Variants in ACAD11 observed in about 807,000 individuals in gnomAD.
ACAD11 encodes acyl-Coenzyme A dehydrogenase family, member 11.
In ACAD11, 83 loss-of-function variants were observed where a neutral mutation model predicts 102.2. That is an observed-to-expected ratio of 0.81 (90% CI 0.68 to 0.97). The LOEUF is 0.97. Among genes scored for constraint, ACAD11 ranks in the 50% least tolerant of loss-of-function variants. The probability of loss-of-function intolerance (pLI) is 0.00; values close to 1 mark genes in which losing one functional copy is unlikely to be tolerated. For missense variants in ACAD11, 901 were observed against 951.7 expected (o/e 0.95, Z 0.70); for synonymous variants, 324 against 319.8 (o/e 1.01, Z -0.14).
intron 13 of ACAD11, among the ~76,000 whole-genome samples, chr3:132,595,940 G>C (rs1938285543): frequency 1.3e-5 from 2 of 152,042 alleles, no homozygotes. Context: ...ATACCCAAAG[G>C]AATATAAATT....
Position 132,577,101 on chromosome 3 carries a change from T to A in ACAD11, c.1775-86A>T, listed in dbSNP as rs1242987217. 1.3e-5 allele frequency: 11 copies of A among 831,770 alleles called. No individual in the cohort carries two copies. The Admixed American group carries it at 1.9e-4, about 14-fold the overall frequency. 51.5% of individuals were successfully genotyped at this position (831,770 alleles called of 1,614,324 possible). On this transcript the variant is annotated intron_variant, in intron 15 of 19. Transcript: ENST00000264990. ...CTTAATCTGCTGAAATATAATTACT[T>A]GAAGAAAATAGGATTTCAAAGATCC...
At chr3:132,622,057 T>C (rs1236901898) in intron 9 of ACAD11, among the ~76,000 whole-genome samples, 1 of 151,752 alleles carries the variant, frequency 6.6e-6, no homozygotes, top group Non-Finnish European at 1.5e-5. Context: ...AACAAAAATA[T>C]TGGAGTATAA....
At chr3:132,656,937 C>T (rs562973134) in intron 1 of ACAD11, among the ~76,000 whole-genome samples, 1 of 151,692 alleles carries the variant, frequency 6.6e-6, no homozygotes, top group East Asian at 1.9e-4. Context: ...TTCTGGTGAG[C>T]TATTATAGTT....
intron 1 of ACAD11, among the ~76,000 whole-genome samples, chr3:132,656,815 A>T (rs1308623713): frequency 6.6e-6 from 1 of 151,242 alleles, no homozygotes; most frequent in East Asian, 1.9e-4. Context: ...TTTAAAAGTC[A>T]ATTTGGTGGT....
chr3:132,593,886 A>C (rs947369155), intron 13 of ACAD11, among the ~76,000 whole-genome samples: 4 of 152,194 alleles, frequency 2.6e-5, no homozygotes, highest in Non-Finnish European at 5.9e-5. Flanking sequence ...GAGAAGTAGA[A>C]GAGAGCTAAA....
chr3:132,564,441 C>G (rs926582174), intron 17 of ACAD11, among the ~76,000 whole-genome samples: 2 of 152,200 alleles, frequency 1.3e-5, no homozygotes, highest in Non-Finnish European at 1.5e-5. Flanking sequence ...CAACTTCTAA[C>G]AATAGTTGTA....
At chr3:132,592,051 A>G (rs931464652) in intron 13 of ACAD11, among the ~76,000 whole-genome samples, 2 of 152,162 alleles carry the variant, frequency 1.3e-5, no homozygotes, top group African/African-American at 4.8e-5. Context: ...ATATTCTAAA[A>G]AATACAATTT....
intron 11 of ACAD11, among the ~76,000 whole-genome samples, chr3:132,611,458 T>C (rs995472673): frequency 2.8e-4 from 43 of 152,158 alleles, no homozygotes; most frequent in African/African-American, 1.0e-3. Flanking sequence ...ATGACATGAG[T>C]ATATATCTAG....
At chr3:132,576,059 C>T in intron 16 of ACAD11, 133 bp from the exon 17 acceptor site, 1 of 945,944 alleles carries the variant, frequency 1.1e-6, no homozygotes, top group South Asian at 1.8e-5. Context: ...AAAGTCAGTT[C>T]TATAATAAGG....
chr3:132,613,415 CA>C (rs1939255396), intron 11 of ACAD11, among the ~76,000 whole-genome samples: 2 of 20,422 alleles, frequency 9.8e-5, no homozygotes, highest in South Asian at 2.8e-3. Context: ...TATTCTAAAA[CA>C]AAACAAACAA....
intron 5 of ACAD11, among the ~76,000 whole-genome samples, chr3:132,635,226 C>A (rs1351759953): frequency 1.3e-5 from 2 of 151,954 alleles, no homozygotes; most frequent in Non-Finnish European, 2.9e-5. Flanking sequence ...GGAACCTTCA[C>A]TGGAGGGTTC....
intron 5 of ACAD11, 55 bp from the exon 6 acceptor site, chr3:132,631,534 TAAAG>T (rs1295170078): frequency 7.9e-7 from 1 of 1,259,660 alleles, no homozygotes. Flanking sequence ...ACAAGTATAA[TAAAG>T]AAATAAATAA....
At chr3:132,648,642 A>G (rs1472598938) in intron 1 of ACAD11, 2 of 151,834 alleles carry the variant, frequency 1.3e-5, no homozygotes, top group African/African-American at 4.8e-5. Flanking sequence ...ATTTGAAAAT[A>G]TTTAGGATTT....
chr3:132,608,199 T>C (rs1176689712), intron 11 of ACAD11, among the ~76,000 whole-genome samples: 1 of 152,090 alleles, frequency 6.6e-6, no homozygotes, highest in African/African-American at 2.4e-5. Context: ...ATCGACACTA[T>C]AAAGAAACTG....
intron 17 of ACAD11, among the ~76,000 whole-genome samples, chr3:132,572,825 C>A (rs1937420270): frequency 6.6e-6 from 1 of 152,214 alleles, no homozygotes; most frequent in Non-Finnish European, 1.5e-5. Context: ...GCTGGGATAA[C>A]TTGCTAGCCA....
chr3:132,637,957 T>C (rs1940336024), intron 5 of ACAD11, among the ~76,000 whole-genome samples: 1 of 152,228 alleles, frequency 6.6e-6, no homozygotes, highest in South Asian at 2.1e-4. Flanking sequence ...TACAGAAATG[T>C]ACAATTATGT....
chr3:132,605,226 T>C, intron 11 of ACAD11, 21 bp from the exon 12 acceptor site: 1 of 1,574,458 alleles, frequency 6.4e-7, no homozygotes, highest in Non-Finnish European at 8.7e-7. Context: ...AGAAGGAGTA[T>C]TTGTTTTGCA....
At chr3:132,615,821 C>T (rs1294360081) in intron 11 of ACAD11, among the ~76,000 whole-genome samples, 5 of 152,190 alleles carry the variant, frequency 3.3e-5, no homozygotes, top group Middle Eastern at 3.4e-3. Flanking sequence ...AAAACAAATA[C>T]CAGCCCAAAG....
At chr3:132,592,755 C>T (rs1469573431) in intron 13 of ACAD11, among the ~76,000 whole-genome samples, 1 of 152,136 alleles carries the variant, frequency 6.6e-6, no homozygotes, top group African/African-American at 2.4e-5. Flanking sequence ...TTAATACTAA[C>T]AATTCAAATT....
Sources: gnomAD v4.1 joint callset for allele counts (sites outside exome capture counted in the v4.1 genomes callset) on GRCh38, gnomAD v4.1.1 for gene constraint, MANE v1.5 for transcripts, NCBI Gene and HGNC (gene_info 2026-07-23, HGNC 2026-07-21) for gene names.